ADAM32: variants seen among roughly 807,000 people sequenced by gnomAD.
ADAM32 encodes the protein disintegrin and metalloproteinase domain-containing protein 32.
ADAM32 carries 89 observed loss-of-function variants against 114.9 expected under a neutral mutation model. The ratio of observed to expected loss-of-function variants is 0.77; its 90% CI spans 0.65 to 0.92. The LOEUF (loss-of-function observed/expected upper bound fraction) is 0.92. Among genes scored for constraint, ADAM32 ranks in the 40% least tolerant of loss-of-function variants. ADAM32 has a pLI of 0.00. For synonymous variants in ADAM32, 285 were observed against 307.5 expected (o/e 0.93, Z 0.77); for missense variants, 870 against 932.8 (o/e 0.93, Z 0.88).
At chr8:39,203,327 G>A (rs1348608348) in intron 11 of ADAM32, among the ~76,000 whole-genome samples, 1 of 152,130 alleles carries the variant, frequency 6.6e-6, no homozygotes, top group African/African-American at 2.4e-5. Flanking sequence ...TGTATTGGGT[G>A]CATATATATT....
intron 3 of ADAM32, among the ~76,000 whole-genome samples, chr8:39,142,562 C>T (rs1311361240): frequency 2.6e-5 from 4 of 152,132 alleles, no homozygotes; most frequent in Admixed American, 1.3e-4. Context: ...GGGTTTCTGC[C>T]GAGAGATCTG....
intron 6 of ADAM32, among the ~76,000 whole-genome samples, chr8:39,160,494 C>T (rs113777810): frequency 0.17 from 21,419 of 128,802 alleles, 1,737 homozygotes; most frequent in Middle Eastern, 0.39. Context: ...GAGCTGAGAT[C>T]GCGCCACTGC....
At chr8:39,131,610 G>C (rs1802460719) in intron 2 of ADAM32, among the ~76,000 whole-genome samples, 1 of 152,112 alleles carries the variant, frequency 6.6e-6, no homozygotes, top group Admixed American at 6.5e-5. Context: ...TCTCCTTTCA[G>C]TTCTGTCAGT....
chr8:39,165,936 A>G (rs1039709085), intron 9 of ADAM32: 1 of 152,072 alleles, frequency 6.6e-6, no homozygotes, highest in Non-Finnish European at 1.5e-5. Context: ...ATCTTTTCAA[A>G]TGCTTGTTGA....
chr8:39,262,216 T>G (rs916340206), intron 19 of ADAM32, among the ~76,000 whole-genome samples: 1 of 152,060 alleles, frequency 6.6e-6, no homozygotes, highest in Admixed American at 6.5e-5. Context: ...TTTTTTTTTT[T>G]TCTGGTATAG....
intron 11 of ADAM32, among the ~76,000 whole-genome samples, chr8:39,188,116 C>T (rs1363214690): frequency 1.3e-5 from 2 of 152,102 alleles, no homozygotes; most frequent in African/African-American, 4.8e-5. Context: ...TACTCCTAAG[C>T]ACCTTTTAAG....
chr8:39,201,407 C>A (rs1336247596), intron 11 of ADAM32, among the ~76,000 whole-genome samples: 1 of 151,620 alleles, frequency 6.6e-6, no homozygotes, highest in African/African-American at 2.4e-5. Flanking sequence ...TGGGAGTTCA[C>A]TCATGATTTG....
At chr8:39,208,729 T>C (rs1222704482) in intron 11 of ADAM32, among the ~76,000 whole-genome samples, 1 of 152,218 alleles carries the variant, frequency 6.6e-6, no homozygotes, top group Non-Finnish European at 1.5e-5. Context: ...CTTCCTGGTC[T>C]TTAAGGTTTC....
intron 17 of ADAM32, among the ~76,000 whole-genome samples, chr8:39,249,205 G>A (rs1811133827): frequency 6.6e-6 from 1 of 152,070 alleles, no homozygotes; most frequent in Non-Finnish European, 1.5e-5. Flanking sequence ...TGCCAGGCCT[G>A]AGTGTTGGCT....
At chr8:39,284,401 G>T (rs949250876) in intron 24 of ADAM32, among the ~76,000 whole-genome samples, 2 of 134,722 alleles carry the variant, frequency 1.5e-5, no homozygotes, top group Admixed American at 7.0e-5. Context: ...ACACACACAC[G>T]TACACACACA....
At chr8:39,233,603 C>T (rs1346455561) in intron 15 of ADAM32, among the ~76,000 whole-genome samples, 1 of 152,048 alleles carries the variant, frequency 6.6e-6, no homozygotes, top group Non-Finnish European at 1.5e-5. Flanking sequence ...CTAAGAATGC[C>T]GTAACCTCCT....
At chr8:39,262,662 CCT>C (rs1234181003) in intron 19 of ADAM32, among the ~76,000 whole-genome samples, 2 of 151,470 alleles carry the variant, frequency 1.3e-5, no homozygotes, top group Non-Finnish European at 2.9e-5. Context: ...TCTCTCTTCC[CCT>C]CTTTCTCCCT....
intron 9 of ADAM32, 61 bp from the exon 10 acceptor site, chr8:39,169,855 G>C: frequency 7.9e-7 from 1 of 1,268,056 alleles, no homozygotes. Context: ...ATTATTAGCA[G>C]GAATTCTCAT....
intron 11 of ADAM32, among the ~76,000 whole-genome samples, chr8:39,195,886 T>G (rs971604663): frequency 5.9e-5 from 9 of 152,224 alleles, no homozygotes; most frequent in African/African-American, 2.2e-4. Context: ...AGAATATTAT[T>G]GGTATTTTGT....
intron 3 of ADAM32, among the ~76,000 whole-genome samples, chr8:39,144,614 T>C (rs1803384925): frequency 2.0e-5 from 3 of 151,940 alleles, no homozygotes; most frequent in Admixed American, 2.0e-4. Flanking sequence ...CATTCTTTCA[T>C]GATGTAAACT....
At chr8:39,253,133 G>A in intron 17 of ADAM32, among the ~76,000 whole-genome samples, 1 of 151,608 alleles carries the variant, frequency 6.6e-6, no homozygotes. Context: ...TGGGATGCAA[G>A]GATGGTTCAA....
At chr8:39,236,822 TG>T (rs1260065742) in intron 16 of ADAM32, among the ~76,000 whole-genome samples, 3 of 152,194 alleles carry the variant, frequency 2.0e-5, no homozygotes, top group Admixed American at 1.3e-4. Context: ...TCAAAACTTG[TG>T]GAGGACACAG....
chr8:39,222,055 ATGTGTAATTG>A (rs1399305839), intron 13 of ADAM32, among the ~76,000 whole-genome samples: 1 of 152,020 alleles, frequency 6.6e-6, no homozygotes, highest in Non-Finnish European at 1.5e-5. Flanking sequence ...GTATCTATTT[ATGTGTAATTG>A]AAAGATATAG....
Position 39,156,431 on chromosome 8 carries a change from C to T in ADAM32, c.526-4466C>T, listed in dbSNP as rs533844882. Reference sequence around the variant, plus strand: ...GAGTGCCAGGAGTATAAGTGTAAGCCACTGCACCCAGCTATAATAATATCT... The same window carrying T: ...GAGTGCCAGGAGTATAAGTGTAAGCTACTGCACCCAGCTATAATAATATCT... On this transcript the variant is annotated intron_variant, in intron 6 of 24. Coordinates refer to ENST00000379907, the MANE Select transcript of ADAM32 (RefSeq NM_145004.7). 6.9e-4 allele frequency among the ~76,000 whole-genome samples: 105 copies of T among 152,324 alleles called. 1 individual carries two copies. The highest frequency in any genetic ancestry group is 2.5e-3 in the African/African-American group (103 of 41,566).
Sources: allele counts gnomAD v4.1 joint callset (sites outside exome capture counted in the v4.1 genomes callset), GRCh38; gene constraint gnomAD v4.1.1; transcripts MANE v1.5; gene names NCBI Gene and HGNC (gene_info 2026-07-23, HGNC 2026-07-21).